Variants in CUX1 observed in about 807,000 individuals in gnomAD.
The protein encoded by CUX1 is protein CASP.
A neutral mutation model predicts 158.8 loss-of-function variants in CUX1; 31 were observed. The ratio of observed to expected loss-of-function variants is 0.20; its 90% confidence interval spans 0.15 to 0.26. The LOEUF (loss-of-function observed/expected upper bound fraction) is 0.26, where lower values mean the gene tolerates loss of function less well. Among genes scored for constraint, CUX1 ranks in the 10% least tolerant of loss-of-function variants. CUX1 has a pLI of 1.00. For missense variants in CUX1, 1,589 were observed against 2,014.6 expected, an observed-to-expected ratio of 0.79 and a Z score of 4.04; for synonymous variants, 879 against 862.1, an observed-to-expected ratio of 1.02 and a Z score of -0.34.
intron 3 of CUX1, among the ~76,000 whole-genome samples, chr7:102,064,951 G>A (rs1825375520): frequency 6.6e-6 from 1 of 152,210 alleles, no homozygotes; most frequent in South Asian, 2.1e-4. Flanking sequence ...TTAGCGAAGG[G>A]TGTTCCAAGT....
At chr7:102,274,565 AT>A (rs1586522005) in intron 16 of CUX1, among the ~76,000 whole-genome samples, 2 of 152,304 alleles carry the variant, frequency 1.3e-5, no homozygotes, top group East Asian at 3.9e-4. Context: ...GCAGTGAGCT[AT>A]GATGGTGCCA....
intron 2 of CUX1, among the ~76,000 whole-genome samples, chr7:102,005,193 T>G (rs1392135436): frequency 1.3e-5 from 2 of 151,936 alleles, no homozygotes; most frequent in African/African-American, 4.8e-5. Flanking sequence ...CTCGATAGAG[T>G]CGGAAAGGAA....
chr7:102,018,012 A>C (rs767648829), intron 2 of CUX1, among the ~76,000 whole-genome samples: 27 of 152,298 alleles, frequency 1.8e-4, no homozygotes, highest in Non-Finnish European at 3.2e-4. Context: ...GCTGGAGTGC[A>C]GTGGCATGAT....
intron 3 of CUX1, among the ~76,000 whole-genome samples, chr7:102,048,696 G>T (rs1389225397): frequency 6.6e-6 from 1 of 152,074 alleles, no homozygotes; most frequent in Non-Finnish European, 1.5e-5. Context: ...ATGCATGGTG[G>T]CACACGCCTG....
At position 102,216,528 on chromosome 7, in the gene CUX1, TCCC is replaced by T. The variant is rs781825609; in HGVS notation, c.3131-10834_3131-10832del. Among the ~76,000 whole-genome samples, 12 of 78,620 alleles carry T rather than the reference TCCC, an allele frequency of 1.5e-4. 1 individual carries two copies. Among genetic ancestry groups the T allele is most frequent in the African/African-American group, 5.9e-4 (12 of 20,438 alleles). The allele number at this position is 78,620 out of a possible 152,430, so 51.6% of individuals were successfully genotyped here. On this transcript the variant is annotated intron_variant, in intron 20 of 23. Coordinates refer to ENST00000292535, the MANE Select transcript of CUX1 (RefSeq NM_181552.4). The stretch of plus-strand genomic sequence containing the variant: ...CGTGTGTGCGCGCACACACACACTC[TCCC>T]CCCCACACACACACACCCACACACG...
chr7:102,124,207 C>T (rs1051951364), intron 8 of CUX1, among the ~76,000 whole-genome samples: 6 of 152,136 alleles, frequency 3.9e-5, no homozygotes, highest in East Asian at 1.9e-4. Context: ...ATCTGTGAAA[C>T]GGGGGTGTCA....
Position 101,922,390 on chromosome 7 carries a change from T to G in CUX1, c.141+6165T>G, listed in dbSNP as rs187095666. 4.6e-3 allele frequency among the ~76,000 whole-genome samples: 701 copies of G among 152,318 alleles called. 8 individuals carry two copies. The highest frequency in any genetic ancestry group is 0.016 in the African/African-American group (664 of 41,560). On this transcript the variant is annotated intron_variant, in intron 2 of 23. Transcript: ENST00000292535. ...GTTCTCTGGATAAGCCACATATGGC[T>G]CAGTAACCCTTTTTATAGATAAACA...
At chr7:102,279,429 T>C (rs1391834728) in intron 18 of CUX1, among the ~76,000 whole-genome samples, 1 of 152,204 alleles carries the variant, frequency 6.6e-6, no homozygotes, top group African/African-American at 2.4e-5. Context: ...AGAAACTCAC[T>C]TGCCGAGTTT....
At chr7:101,979,646 C>CTTT (rs1813160036) in intron 2 of CUX1, among the ~76,000 whole-genome samples, 1 of 151,868 alleles carries the variant, frequency 6.6e-6, no homozygotes, top group African/African-American at 2.4e-5. Context: ...CAGGTGTTTT[C>CTTT]TTTCTTTTTT....
chr7:102,242,283 C>T (rs1800318554), intron 23 of CUX1, among the ~76,000 whole-genome samples: 1 of 145,434 alleles, frequency 6.9e-6, no homozygotes, highest in Non-Finnish European at 1.5e-5. Flanking sequence ...ACGATCTCGG[C>T]TCACTGCAAC....
At chr7:102,051,654 C>CAAAAAAAAAAAAAAAAAAAAAAAAA (rs1299911064) in intron 3 of CUX1, among the ~76,000 whole-genome samples, 11 of 89,740 alleles carry the variant, frequency 1.2e-4, no homozygotes, top group African/African-American at 4.4e-4. Flanking sequence ...GACTCTGTCT[C>CAAAAAAAAAAAAAAAAAAAAAAAAA]AAAAAAAAAA....
chr7:102,082,107 C>T (rs1554478962), intron 4 of CUX1, among the ~76,000 whole-genome samples: 1 of 147,242 alleles, frequency 6.8e-6, no homozygotes, highest in African/African-American at 2.4e-5. Flanking sequence ...TCACCTAGTC[C>T]AAGCCACCAG....
At chr7:102,093,001 T>A (rs144145253) in intron 4 of CUX1, among the ~76,000 whole-genome samples, 11 of 151,666 alleles carry the variant, frequency 7.3e-5, no homozygotes, top group African/African-American at 2.7e-4. Context: ...ACTCATCTGG[T>A]CTCCTGCCTT....
intron 2 of CUX1, among the ~76,000 whole-genome samples, chr7:102,022,444 C>T (rs1819485552): frequency 6.6e-6 from 1 of 151,854 alleles, no homozygotes; most frequent in Admixed American, 6.6e-5. Context: ...ATGGCGAAAC[C>T]CCGTCTCTAC....
intron 3 of CUX1, among the ~76,000 whole-genome samples, chr7:102,056,277 T>G (rs146562932): frequency 9.2e-5 from 14 of 152,326 alleles, no homozygotes; most frequent in South Asian, 4.1e-4. Flanking sequence ...TAACCTTCTC[T>G]TGGAAGAAGA....
rs1801192533 is a variant in CUX1, at chr7:102,249,137, T to C, written c.*95T>C. 8.6e-7 allele frequency: 1 copy of C among 1,165,612 alleles called. No individual in the cohort carries two copies. Among genetic ancestry groups the C allele is most frequent in the African/African-American group, 1.6e-5 (1 of 61,042 alleles). 72.2% of individuals were successfully genotyped at this position (1,165,612 alleles called of 1,614,324 possible). A position where few individuals can be genotyped will look rare whatever the true frequency, so the allele number is the denominator to read the frequency against. ...CGCTGCGGACACCGTGGCCTGGGCT[T>C]GGCCCGCGGCCTGCACCGACCCCGG... On this transcript the variant is annotated 3_prime_UTR_variant, in exon 24 of 24. Transcript: ENST00000292535.
intron 9 of CUX1, among the ~76,000 whole-genome samples, chr7:102,170,146 G>C (rs188771576): frequency 4.6e-5 from 7 of 152,250 alleles, no homozygotes; most frequent in African/African-American, 1.2e-4. Context: ...CAAAAGACTC[G>C]ATTTCCACTT....
chr7:102,043,323 CTGTGTGTGTGTGTGTGTGTGTG>C (rs57276921), intron 3 of CUX1, among the ~76,000 whole-genome samples: 4 of 139,068 alleles, frequency 2.9e-5, no homozygotes, highest in Non-Finnish European at 4.6e-5. Context: ...CATTAGCTCA[CTGTGTGTGTGTGTGTGTGTGTG>C]TGTGTGTGTG....
chr7:101,851,527 G>A (rs771461697), intron 1 of CUX1, among the ~76,000 whole-genome samples: 42 of 152,134 alleles, frequency 2.8e-4, no homozygotes, highest in Non-Finnish European at 2.4e-4. Context: ...TCTGCGATCC[G>A]ACAAGATCTT....
Sources: allele counts gnomAD v4.1 joint callset (sites outside exome capture counted in the v4.1 genomes callset), GRCh38; gene constraint gnomAD v4.1.1; transcripts MANE v1.5; gene names NCBI Gene and HGNC (gene_info 2026-07-23, HGNC 2026-07-21).